Variants in ASAP1 observed in about 807,000 individuals in gnomAD.
ASAP1 encodes the protein arf-GAP with SH3 domain, ANK repeat and PH domain-containing protein 1.
ASAP1 carries 43 observed loss-of-function variants against 145.2 expected under a neutral mutation model. That is an observed-to-expected ratio of 0.30 (90% CI 0.23 to 0.38). The LOEUF is 0.38. Ranked by LOEUF, ASAP1 falls within the 10% of genes least tolerant of loss-of-function variation. The pLI, the probability that ASAP1 is intolerant of heterozygous loss-of-function variation, is 1.00. For synonymous variants in ASAP1, 546 were observed against 515.5 expected (o/e 1.06, Z -0.80); for missense variants, 1,018 against 1,355.3 (o/e 0.75, Z 3.91).
At chr8:130,196,990 T>C (rs1815538647) in intron 5 of ASAP1, among the ~76,000 whole-genome samples, 1 of 152,192 alleles carries the variant, frequency 6.6e-6, no homozygotes, top group African/African-American at 2.4e-5. Context: ...CTTTCCAAGG[T>C]ACTGTGATAC....
At chr8:130,240,731 T>A (rs988929867) in intron 3 of ASAP1, among the ~76,000 whole-genome samples, 3 of 152,166 alleles carry the variant, frequency 2.0e-5, no homozygotes, top group African/African-American at 7.2e-5. Flanking sequence ...ACGGCATTAT[T>A]ACATTCTCTT....
chr8:130,345,335 G>A (rs1240929439), intron 3 of ASAP1, among the ~76,000 whole-genome samples: 1 of 152,120 alleles, frequency 6.6e-6, no homozygotes, highest in Non-Finnish European at 1.5e-5. Flanking sequence ...GTGACTGGCT[G>A]CCCCAGATGC....
chr8:130,427,146 A>G (rs931391072), intron 1 of ASAP1, among the ~76,000 whole-genome samples: 3 of 151,922 alleles, frequency 2.0e-5, no homozygotes, highest in Admixed American at 6.6e-5. Context: ...CAGCTTGGCC[A>G]CTCTGTTCAG....
chr8:130,199,010 T>A (rs996280014), intron 5 of ASAP1, among the ~76,000 whole-genome samples: 103 of 152,242 alleles, frequency 6.8e-4, no homozygotes, highest in Middle Eastern at 3.4e-3. Context: ...TGCACGTGCT[T>A]TACTCTGTCT....
intron 3 of ASAP1, among the ~76,000 whole-genome samples, chr8:130,265,176 A>G (rs191926418): frequency 4.7e-4 from 72 of 152,298 alleles, no homozygotes; most frequent in Non-Finnish European, 7.8e-4. Context: ...AGCAGGCAGA[A>G]TAACAGGAGA....
At chr8:130,386,159 C>G (rs578098568) in intron 2 of ASAP1, among the ~76,000 whole-genome samples, 5 of 152,288 alleles carry the variant, frequency 3.3e-5, no homozygotes, top group Non-Finnish European at 7.3e-5. Context: ...CCTGAGAATA[C>G]AGCCAGTGGA....
chr8:130,189,642 A>G (rs1361353727), intron 5 of ASAP1, among the ~76,000 whole-genome samples: 1 of 152,148 alleles, frequency 6.6e-6, no homozygotes, highest in Non-Finnish European at 1.5e-5. Flanking sequence ...TTGTTGATAC[A>G]CTGATTTCTT....
chr8:130,080,006 T>G lies in ASAP1; in HGVS notation c.2573-35A>C. ...AAACCGAAGGTGAAAAGGTATGTCT[T>G]TAGATGGGGAAATGCAATGAGAATA... On this transcript the variant is annotated intron_variant, in intron 25 of 29. Transcript: ENST00000518721. 8 of 1,570,732 alleles carry G rather than the reference T, an allele frequency of 5.1e-6. No homozygotes were observed. In the South Asian group the frequency reaches 8.9e-5, roughly 17 times the overall value.
At chr8:130,116,587 C>G (rs1592838167) in intron 22 of ASAP1, 91 bp downstream of exon 22, 5 of 1,144,358 alleles carry the variant, frequency 4.4e-6, no homozygotes, top group Admixed American at 2.1e-5. Context: ...AAAAATGAAT[C>G]TGCATTTTTA....
At chr8:130,197,925 C>T (rs1354874711) in intron 5 of ASAP1, among the ~76,000 whole-genome samples, 1 of 152,104 alleles carries the variant, frequency 6.6e-6, no homozygotes, top group African/African-American at 2.4e-5. Flanking sequence ...GTGCTGTTCA[C>T]TAGTGGGTGA....
Position 130,060,565 on chromosome 8 carries a change from A to G in ASAP1, c.3192+14T>C. On this transcript the variant is annotated intron_variant, in intron 28 of 29. Transcript: ENST00000518721. ...GAATAGGGTTCCTAAGGGCCTGAAC[A>G]TTGTCCCACCCACCGTATTGATTTT... 5 of 1,590,056 alleles carry G rather than the reference A, an allele frequency of 3.1e-6. No homozygotes were observed. Among genetic ancestry groups the G allele is most frequent in the East Asian group, 2.2e-5 (1 of 44,730 alleles).
chr8:130,092,496 G>A (rs1200590869), intron 24 of ASAP1, among the ~76,000 whole-genome samples: 3 of 152,070 alleles, frequency 2.0e-5, no homozygotes, highest in Admixed American at 6.6e-5. Flanking sequence ...GTGTGGTGGT[G>A]TGTGCTTGTA....
intron 26 of ASAP1, among the ~76,000 whole-genome samples, chr8:130,076,967 C>T (rs1431963871): frequency 2.6e-5 from 4 of 152,234 alleles, no homozygotes; most frequent in Non-Finnish European, 5.9e-5. Context: ...GCACCTGGCA[C>T]ACTCTAAGTG....
At chr8:130,277,654 G>T (rs1820993479) in intron 3 of ASAP1, among the ~76,000 whole-genome samples, 1 of 152,148 alleles carries the variant, frequency 6.6e-6, no homozygotes, top group Admixed American at 6.5e-5. Flanking sequence ...GGGAATAAAG[G>T]AAGTACAGAT....
intron 3 of ASAP1, among the ~76,000 whole-genome samples, chr8:130,319,249 G>C (rs1023686673): frequency 1.3e-5 from 2 of 152,168 alleles, no homozygotes; most frequent in African/African-American, 2.4e-5. Flanking sequence ...CACATAGCCA[G>C]AACCAGCCCC....
At chr8:130,251,644 T>G (rs1226895574) in intron 3 of ASAP1, among the ~76,000 whole-genome samples, 1 of 152,098 alleles carries the variant, frequency 6.6e-6, no homozygotes, top group African/African-American at 2.4e-5. Flanking sequence ...AAATCATGCA[T>G]TAGACATATC....
At chr8:130,442,638 C>A (rs987263559) in intron 1 of ASAP1, among the ~76,000 whole-genome samples, 4 of 152,046 alleles carry the variant, frequency 2.6e-5, no homozygotes, top group African/African-American at 9.7e-5. Flanking sequence ...CTTTTGCTTT[C>A]CTGACGAGTA....
intron 27 of ASAP1, among the ~76,000 whole-genome samples, chr8:130,069,380 C>T (rs1487271673): frequency 1.3e-5 from 2 of 152,112 alleles, no homozygotes; most frequent in South Asian, 4.1e-4. Flanking sequence ...GGACTACAGG[C>T]ATGTGGCACC....
chr8:130,226,151 T>A (rs1817574667), intron 4 of ASAP1, among the ~76,000 whole-genome samples: 1 of 151,874 alleles, frequency 6.6e-6, no homozygotes. Flanking sequence ...GTGCTGTGAT[T>A]AACGTTTTAA....
Sources: gnomAD v4.1 joint callset for allele counts (sites outside exome capture counted in the v4.1 genomes callset) on GRCh38, gnomAD v4.1.1 for gene constraint, MANE v1.5 for transcripts, NCBI Gene and HGNC (gene_info 2026-07-23, HGNC 2026-07-21) for gene names.